SNAP47: variants seen among roughly 807,000 people sequenced by gnomAD.
SNAP47 encodes synaptosome associated protein 47, also known as synaptosomal-associated protein 47.
SNAP47 carries 20 observed loss-of-function variants against 31.4 expected under a neutral mutation model. The observed-to-expected ratio is 0.64, with a 90% CI of 0.45 to 0.93. The LOEUF (loss-of-function observed/expected upper bound fraction) is 0.93. SNAP47 is among the 40% of genes least tolerant of loss of function. The pLI is 0.00. For synonymous variants in SNAP47, 194 were observed against 213.4 expected (o/e 0.91, Z 0.79); for missense variants, 492 against 528.5 (o/e 0.93, Z 0.68).
intron 2 of SNAP47, among the ~76,000 whole-genome samples, chr1:227,750,253 G>T (rs1228053849): frequency 6.6e-6 from 1 of 152,272 alleles, no homozygotes; most frequent in Non-Finnish European, 1.5e-5. Flanking sequence ...TCTGCAGGGG[G>T]CCAGCAGCTG....
intron 4 of SNAP47, among the ~76,000 whole-genome samples, chr1:227,771,458 T>C (rs1162645118): frequency 1.3e-5 from 2 of 152,116 alleles, no homozygotes; most frequent in African/African-American, 2.4e-5. Context: ...CAGGAGGCCA[T>C]GTCCCAGGGG....
intron 2 of SNAP47, among the ~76,000 whole-genome samples, chr1:227,750,785 C>T (rs761976520): frequency 6.6e-6 from 1 of 152,162 alleles, no homozygotes; most frequent in Non-Finnish European, 1.5e-5. Flanking sequence ...GGGGTGTCAT[C>T]CTCCTCCCAG....
rs942528479 is a variant in SNAP47 at position 227,762,937 on chromosome 1, A to G, written c.988+3452A>G. Among the ~76,000 whole-genome samples, 6 of 152,244 alleles carry G rather than the reference A, an allele frequency of 3.9e-5. No homozygotes were observed. Among genetic ancestry groups the G allele is most frequent in the African/African-American group, 1.2e-4 (5 of 41,544 alleles). On this transcript the variant is annotated intron_variant, in intron 3 of 4. Coordinates refer to ENST00000617596, the MANE Select transcript of SNAP47 (RefSeq NM_053052.4). This position sits in a 1 kb window ranked among gnomAD's most constrained non-coding sequence, Gnocchi z 4.2. ...ACACATCCTACCAAGGGACATGCAC[A>G]GTATTTTCTTTTTCTTTTTATTTAT...
upstream of SNAP47, chr1:227,734,857 C>G (rs1436967524): frequency 3.1e-6 from 5 of 1,610,328 alleles, no homozygotes; most frequent in Non-Finnish European, 3.4e-6. Context: ...CCCTGGGCCC[C>G]GTCCTCACTC....
chr1:227,734,498 G>A (rs1386353374), upstream of SNAP47: 7 of 661,808 alleles, frequency 1.1e-5, no homozygotes, highest in Admixed American at 5.7e-5. Flanking sequence ...GCAGCCATGC[G>A]GAAGACAATC....
At chr1:227,739,823 A>G (rs1428966638) in intron 1 of SNAP47, among the ~76,000 whole-genome samples, 4 of 152,144 alleles carry the variant, frequency 2.6e-5, no homozygotes, top group Admixed American at 2.0e-4. Context: ...ACCTCCCTCG[A>G]GGATTCAGCT....
At chr1:227,768,671 G>A (rs563989267) in intron 4 of SNAP47, among the ~76,000 whole-genome samples, 1 of 152,346 alleles carries the variant, frequency 6.6e-6, no homozygotes, top group South Asian at 2.1e-4. Context: ...GGTGTAGCCA[G>A]CTCACTCTGC....
chr1:227,735,718 C>T, intron 1 of SNAP47: 1 of 983,814 alleles, frequency 1.0e-6, no homozygotes, highest in Non-Finnish European at 1.2e-6. Context: ...GATGATGGGA[C>T]CCGGAGAGAA....
chr1:227,734,193 C>T (rs1660891712), upstream of SNAP47: 6 of 775,170 alleles, frequency 7.7e-6, no homozygotes, highest in Admixed American at 3.0e-5. Flanking sequence ...ACGCTGCTGG[C>T]GGGGGAGGGG....
chr1:227,732,483 A>C (rs1456468115), upstream of SNAP47: 1 of 1,613,310 alleles, frequency 6.2e-7, no homozygotes, highest in Non-Finnish European at 8.5e-7. Context: ...CACTCTCTGG[A>C]AGTCGGGGTG....
upstream of SNAP47, chr1:227,734,113 C>A: frequency 6.7e-7 from 1 of 1,488,532 alleles, no homozygotes; most frequent in Non-Finnish European, 9.1e-7. Context: ...GCAACTGAGA[C>A]CAATCGGCTC....
At chr1:227,780,442 T>G in intron 4 of SNAP47, 85 bp from the exon 5 acceptor site, 1 of 1,572,994 alleles carries the variant, frequency 6.4e-7, no homozygotes, top group South Asian at 1.2e-5. Context: ...GCAAAGGCTC[T>G]TGGGTGTGTG....
chr1:227,759,353 A>C lies in SNAP47; in HGVS notation c.856A>C (p.Lys286Gln). 1 of 1,614,250 alleles carries C rather than the reference A, an allele frequency of 6.2e-7. No individual in the cohort carries two copies. The highest frequency in any genetic ancestry group is 8.5e-7 in the Non-Finnish European group (1 of 1,180,048). ...PDMAYRLISA[K>Q]MPEVIPILEV... is the part of the protein sequence containing the mutation. ...CATGGCCTATCGTTTGATATCTGCCAAGATGCCAGAGGTTATCCCCATTTT... is the reference window on the plus strand; with the variant it reads ...CATGGCCTATCGTTTGATATCTGCCCAGATGCCAGAGGTTATCCCCATTTT... The change falls in exon 3 of 5, where the codon AAG (lysine) becomes CAG (glutamine). Residue 286 changes from lysine to glutamine, a missense_variant. Lys to Gln is a moderately conservative substitution (Grantham distance 53, BLOSUM62 1). Transcript: ENST00000617596.
chr1:227,732,230 C>T, upstream of SNAP47: 1 of 783,448 alleles, frequency 1.3e-6, no homozygotes, highest in Non-Finnish European at 2.1e-6. Context: ...CATTGGGCCT[C>T]ACCTGAAAAC....
At chr1:227,777,086 A>G (rs1252150223) in intron 4 of SNAP47, 16 of 967,236 alleles carry the variant, frequency 1.7e-5, no homozygotes, top group Non-Finnish European at 2.0e-5. Context: ...CACTAGAAAA[A>G]GGCATGAATT....
upstream of SNAP47, chr1:227,732,868 G>A (rs369464812): frequency 1.3e-4 from 206 of 1,612,036 alleles, no homozygotes; most frequent in African/African-American, 4.7e-4. Context: ...GCCTCCATGC[G>A]TAGCCACCCC....
rs1212042640 is a variant in SNAP47 at position 227,767,580 on chromosome 1, CAT to C, written c.1113+498_1113+499del. ...GTTGTGTGTGTTGTGTGTGTATGCA[CAT>C]GTGTGTGCTGTGCATGTGGTGTATG... On this transcript the variant is annotated intron_variant, in intron 4 of 4. Coordinates refer to ENST00000617596, the MANE Select transcript of SNAP47 (RefSeq NM_053052.4). Among the ~76,000 whole-genome samples the C allele has an allele frequency of 8.5e-5, 13 of 152,128 alleles. No individual in the cohort carries two copies. The South Asian group carries it at 1.7e-3, about 19-fold the overall frequency.
At chr1:227,771,144 C>T (rs1359773132) in intron 4 of SNAP47, among the ~76,000 whole-genome samples, 2 of 152,200 alleles carry the variant, frequency 1.3e-5, no homozygotes, top group Non-Finnish European at 2.9e-5. Flanking sequence ...TCCACTCAGG[C>T]TCTCAGCGTC....
chr1:227,772,296 G>T (rs1223831608), intron 4 of SNAP47, among the ~76,000 whole-genome samples: 2 of 151,982 alleles, frequency 1.3e-5, no homozygotes, highest in Non-Finnish European at 2.9e-5. Flanking sequence ...CCATCATCCT[G>T]CACAGAAACA....
Sources: allele counts gnomAD v4.1 joint callset (sites outside exome capture counted in the v4.1 genomes callset), GRCh38; gene constraint gnomAD v4.1.1; non-coding constraint Gnocchi (gnomAD v3.1); transcripts MANE v1.5; gene names NCBI Gene and HGNC (gene_info 2026-07-23, HGNC 2026-07-21).